The following ERI1 variants were observed in gnomAD, a reference collection of about 807,000 sequenced individuals.
ERI1 encodes the protein exoribonuclease 1.
Under a neutral mutation model 39.7 loss-of-function variants are expected in ERI1, and 39 were observed. The observed-to-expected ratio is 0.98, with a 90% CI of 0.76 to 1.28. ERI1 has a LOEUF of 1.28. ERI1 is among the 50% of genes most tolerant of loss of function. The pLI, the probability that ERI1 is intolerant of heterozygous loss-of-function variation, is 0.00. For synonymous variants in ERI1, 204 were observed against 149.6 expected, an observed-to-expected ratio of 1.36 and a Z score of -2.65; for missense variants, 581 against 416.9, an observed-to-expected ratio of 1.39 and a Z score of -3.43.
At position 9,058,867 on chromosome 8, in the gene ERI1, A is replaced by C. The variant is rs987321166; in HGVS notation, n.299+38403A>C. On this transcript the variant is annotated intron_variant and non_coding_transcript_variant, in intron 3 of 3. Transcript: ENST00000518663. ...TAAATAAATAAATAAATAAATAAAT[A>C]AATCTTTTATCTTTGGCCTTTTTAA... 4.8e-5 allele frequency among the ~76,000 whole-genome samples: 7 copies of C among 146,872 alleles called. No homozygotes were observed. The South Asian group carries it at 1.3e-3, about 27-fold the overall frequency.
chr8:9,068,883 C>T (rs1184890548), intron 3 of ERI1, among the ~76,000 whole-genome samples: 1 of 152,158 alleles, frequency 6.6e-6, no homozygotes, highest in African/African-American at 2.4e-5. Flanking sequence ...GTGGTGCAGT[C>T]ATGGCTGACT....
chr8:9,034,776 G>A (rs1797787699), downstream of ERI1, among the ~76,000 whole-genome samples: 1 of 152,180 alleles, frequency 6.6e-6, no homozygotes, highest in African/African-American at 2.4e-5. Context: ...TAATCTTAAA[G>A]AGGAAGGCAT....
At chr8:9,057,658 G>T (rs186575152) in intron 3 of ERI1, among the ~76,000 whole-genome samples, 9 of 152,248 alleles carry the variant, frequency 5.9e-5, no homozygotes, top group Admixed American at 4.6e-4. Flanking sequence ...ATTCTAGTGA[G>T]GAGAGGAAGA....
chr8:9,008,756 A>T (rs1021096026), intron 2 of ERI1, among the ~76,000 whole-genome samples: 1 of 152,218 alleles, frequency 6.6e-6, no homozygotes, highest in African/African-American at 2.4e-5. Flanking sequence ...GCCATGGGGC[A>T]GAAATGGCTT....
intron 1 of ERI1, among the ~76,000 whole-genome samples, chr8:9,005,268 A>G (rs1815860388): frequency 6.6e-6 from 1 of 152,172 alleles, no homozygotes; most frequent in African/African-American, 2.4e-5. Flanking sequence ...TAGCATTTCC[A>G]GAACATGTTT....
At chr8:9,080,192 A>G (rs1585291294) in intron 3 of ERI1, among the ~76,000 whole-genome samples, 1 of 152,214 alleles carries the variant, frequency 6.6e-6, no homozygotes, top group East Asian at 1.9e-4. Context: ...TTAAGAGGGG[A>G]GTAGGACGTG....
At chr8:9,029,016 T>C (rs1797398194) in intron 6 of ERI1, among the ~76,000 whole-genome samples, 1 of 149,472 alleles carries the variant, frequency 6.7e-6, no homozygotes, top group Non-Finnish European at 1.5e-5. Context: ...AAGGAACAGG[T>C]TTTTAAATAA....
At chr8:9,093,452 CAG>C (rs983763046) in intron 3 of ERI1, among the ~76,000 whole-genome samples, 1 of 141,276 alleles carries the variant, frequency 7.1e-6, no homozygotes, top group Non-Finnish European at 1.5e-5. Flanking sequence ...AATATAGACA[CAG>C]GTATATGCAT....
chr8:9,045,404 C>G (rs1359339912), intron 3 of ERI1, among the ~76,000 whole-genome samples: 1 of 152,044 alleles, frequency 6.6e-6, no homozygotes, highest in Admixed American at 6.5e-5. Flanking sequence ...CTGTATAGGT[C>G]TAGCCTCCAC....
chr8:9,075,233 T>G (rs1275675815), intron 3 of ERI1, among the ~76,000 whole-genome samples: 1 of 152,206 alleles, frequency 6.6e-6, no homozygotes, highest in Admixed American at 6.5e-5. Context: ...CAGACAGACC[T>G]TTCAGTTTTG....
intron 3 of ERI1, among the ~76,000 whole-genome samples, chr8:9,070,449 C>A (rs571446353): frequency 1.3e-5 from 2 of 152,302 alleles, no homozygotes; most frequent in East Asian, 3.8e-4. Flanking sequence ...GATCCCACCA[C>A]TGAACTCCAG....
chr8:9,075,190 C>T (rs894308915), intron 3 of ERI1, among the ~76,000 whole-genome samples: 1 of 152,208 alleles, frequency 6.6e-6, no homozygotes, highest in Non-Finnish European at 1.5e-5. Flanking sequence ...GAAGAAAAGT[C>T]TTATCAAACC....
chr8:9,067,474 G>T lies in ERI1; in HGVS notation n.299+47010G>T, dbSNP rs916162622. Among the ~76,000 whole-genome samples, 4 of 151,578 alleles carry T rather than the reference G, an allele frequency of 2.6e-5. No homozygotes were observed. The East Asian group carries it at 7.8e-4, about 29-fold the overall frequency. On this transcript the variant is annotated intron_variant and non_coding_transcript_variant, in intron 3 of 3. Transcript: ENST00000518663. ...AAGGTGACCTAGCCTGGGCAACATA[G>T]AGAAACCCCATCTCTACAAAAGATG...
intron 3 of ERI1, among the ~76,000 whole-genome samples, chr8:9,048,099 C>T (rs1284910544): frequency 6.6e-6 from 1 of 152,188 alleles, no homozygotes; most frequent in African/African-American, 2.4e-5. Context: ...TGGGAAGGGC[C>T]ACAACCACCT....
At chr8:9,077,491 C>T (rs987625989) in intron 3 of ERI1, among the ~76,000 whole-genome samples, 5 of 126,568 alleles carry the variant, frequency 4.0e-5, no homozygotes, top group African/African-American at 6.6e-5. Flanking sequence ...AGCTGACTGA[C>T]GCTTTTATAC....
At chr8:9,082,445 C>T (rs1439492565) in intron 3 of ERI1, among the ~76,000 whole-genome samples, 1 of 152,198 alleles carries the variant, frequency 6.6e-6, no homozygotes. Flanking sequence ...ATGACATTCA[C>T]AAAATGAGAG....
At chr8:9,022,515 T>C (rs1009755044) in intron 6 of ERI1, among the ~76,000 whole-genome samples, 2 of 152,162 alleles carry the variant, frequency 1.3e-5, no homozygotes, top group African/African-American at 4.8e-5. Context: ...TTCTCCTGTC[T>C]CAGCATCCCG....
intron 2 of ERI1, among the ~76,000 whole-genome samples, chr8:9,010,698 T>A (rs1373547732): frequency 1.3e-5 from 2 of 152,216 alleles, no homozygotes; most frequent in African/African-American, 4.8e-5. Context: ...TTCATTTATA[T>A]AACGCTGAAG....
intron 3 of ERI1, among the ~76,000 whole-genome samples, chr8:9,013,171 C>T (rs200134112): frequency 4.6e-5 from 7 of 151,866 alleles, no homozygotes; most frequent in Admixed American, 3.9e-4. Flanking sequence ...TGTGTCACCA[C>T]GCCCGGCTAA....
Sources: allele counts gnomAD v4.1 joint callset (sites outside exome capture counted in the v4.1 genomes callset), GRCh38; gene constraint gnomAD v4.1.1; transcripts MANE v1.5; gene names NCBI Gene and HGNC (gene_info 2026-07-23, HGNC 2026-07-21).